The following NUP133 variants were observed in gnomAD, a reference collection of about 807,000 sequenced individuals.
NUP133 encodes the protein nucleoporin 133, also known as nuclear pore complex protein Nup133.
A neutral mutation model predicts 146.2 loss-of-function variants in NUP133; 66 were observed. The ratio of observed to expected loss-of-function variants is 0.45; its 90% CI spans 0.37 to 0.55. The LOEUF (loss-of-function observed/expected upper bound fraction) is 0.55. NUP133 is among the 20% of genes least tolerant of loss of function. The pLI is 0.00. For synonymous variants in NUP133, 521 were observed against 498.8 expected (o/e 1.04, Z -0.59); for missense variants, 1,277 against 1,374.8 (o/e 0.93, Z 1.12).
rs1660215718 is a variant in NUP133 at position 229,442,864 on chromosome 1, C to T, written c.3335-824G>A. On this transcript the variant is annotated intron_variant, in intron 25 of 25. Coordinates refer to ENST00000261396, the MANE Select transcript of NUP133 (RefSeq NM_018230.3). Reference sequence around the variant, plus strand: ...AGGATTACAGGTGCCCACCACTACACCCGGCTAATTTTTTGTATTTTTAGT... The same window carrying T: ...AGGATTACAGGTGCCCACCACTACATCCGGCTAATTTTTTGTATTTTTAGT... 2.6e-5 allele frequency among the ~76,000 whole-genome samples: 4 copies of T among 151,972 alleles called. No homozygotes were observed. The South Asian group carries it at 8.3e-4, about 32-fold the overall frequency.
At chr1:229,468,584 C>A (rs1660879768) in intron 15 of NUP133, among the ~76,000 whole-genome samples, 1 of 152,186 alleles carries the variant, frequency 6.6e-6, no homozygotes, top group Non-Finnish European at 1.5e-5. Context: ...ATGTATCCAA[C>A]TGATAATTTC....
At chr1:229,443,964 C>T (rs1660245343) in intron 25 of NUP133, among the ~76,000 whole-genome samples, 1 of 142,588 alleles carries the variant, frequency 7.0e-6, no homozygotes, top group Non-Finnish European at 1.5e-5. Flanking sequence ...TGGTCTTGAA[C>T]TACTGGGCTC....
chr1:229,499,899 G>A, intron 4 of NUP133, 81 bp from the exon 5 acceptor site: 1 of 1,462,694 alleles, frequency 6.8e-7, no homozygotes, highest in South Asian at 1.3e-5. Flanking sequence ...ATGATACAAA[G>A]AAACAGGACA....
At position 229,487,543 on chromosome 1, in the gene NUP133, T is replaced by C. The variant is rs760628456; in HGVS notation, c.1265A>G (p.Glu422Gly). 1 of 1,613,800 alleles carries C rather than the reference T, an allele frequency of 6.2e-7. No individual in the cohort carries two copies. The highest frequency in any genetic ancestry group is 1.1e-5 in the South Asian group (1 of 91,024). ...FSNQTAYLYN[E>G]SAVYVCSTGT... is the part of the protein sequence containing the mutation. The stretch of plus-strand genomic sequence containing the variant: ...TGTGGAGCACACATAGACAGCACTT[T>C]CGTTATACAGATAGGCAGTCTGGTT... The change falls in exon 10 of 26, where the codon GAA (glutamate) becomes GGA (glycine). Residue 422 changes from glutamate (E) to glycine (G), a missense_variant. By Grantham distance (98) the Glu-to-Gly change is moderately conservative. Coordinates refer to ENST00000261396, the MANE Select transcript of NUP133 (RefSeq NM_018230.3).
In NUP133 at chr1:229,475,640, G is replaced by C. The variant is rs1456749725; in HGVS notation, c.1849C>G (p.Gln617Glu). Residue 617 changes from glutamine to glutamate, a missense_variant and splice_region_variant, in exon 14 of 26, where the codon CAA becomes GAA. Coordinates refer to ENST00000261396, the MANE Select transcript of NUP133 (RefSeq NM_018230.3). ...AHSFLMDFIHQVGLFGRLGSF... is the reference protein window; with the variant it reads ...AHSFLMDFIHEVGLFGRLGSF... Reference sequence around the variant, plus strand: ...TGCCCAGCACCCTGCGCTCTTACTTGATGAATAAAGTCCATAAGAAAAGAG... The same window carrying C: ...TGCCCAGCACCCTGCGCTCTTACTTCATGAATAAAGTCCATAAGAAAAGAG... 6.2e-7 allele frequency: 1 copy of C among 1,612,264 alleles called. No homozygotes were observed. Among genetic ancestry groups the C allele is most frequent in the East Asian group, 2.2e-5 (1 of 44,868 alleles).
intron 16 of NUP133, among the ~76,000 whole-genome samples, chr1:229,465,892 C>CAAAAA (rs71561801): frequency 4.1e-4 from 31 of 75,246 alleles, no homozygotes; most frequent in South Asian, 1.0e-3. Flanking sequence ...CCATGTCTCA[C>CAAAAA]AAAAAAAAAA....
chr1:229,490,113 A>G lies in NUP133; in HGVS notation c.1047-11T>C. The stretch of plus-strand genomic sequence containing the variant: ...ATCACCAGCCCATCACTAATCAATA[A>G]AAAAGGAAGATGTAAAGCCTCTCTA... On this transcript the variant is annotated splice_polypyrimidine_tract_variant and intron_variant, in intron 8 of 25. Transcript: ENST00000261396. 6.5e-7 allele frequency: 1 copy of G among 1,530,732 alleles called. No homozygotes were observed. Among genetic ancestry groups the G allele is most frequent in the Non-Finnish European group, 8.8e-7 (1 of 1,134,690 alleles). The allele number at this position is 1,530,732 out of a possible 1,614,324, so 94.8% of individuals were successfully genotyped here. A position where few individuals can be genotyped will look rare whatever the true frequency, so the allele number is the denominator to read the frequency against.
At position 229,464,657 on chromosome 1, in the gene NUP133, G is replaced by A. The variant is rs1202861178; in HGVS notation, c.2518C>T (p.Leu840=). ...ERYDNLEMEY[L]QKRSDLLSPL... The stretch of plus-strand genomic sequence containing the variant: ...GATAAGAGATCTGATCTTTTCTGTA[G>A]GTATTCCATCTCCAGATTGTCATAT... Residue 840 remains leucine (L), a synonymous_variant, in exon 18 of 26, where the codon CTA becomes TTA. Transcript: ENST00000261396. 1.2e-6 allele frequency: 2 copies of A among 1,614,144 alleles called. No homozygotes were observed. Among genetic ancestry groups the A allele is most frequent in the East Asian group, 2.2e-5 (1 of 44,886 alleles).
chr1:229,450,454 T>C, intron 23 of NUP133, 71 bp downstream of exon 23: 2 of 726,422 alleles, frequency 2.8e-6, no homozygotes, highest in Non-Finnish European at 2.3e-6. Flanking sequence ...CATGATTGAC[T>C]AAAAGAGGGA....
intron 14 of NUP133, among the ~76,000 whole-genome samples, chr1:229,472,180 G>A (rs1000679509): frequency 3.9e-5 from 6 of 152,084 alleles, no homozygotes; most frequent in African/African-American, 7.2e-5. Flanking sequence ...TTAGCCGGGC[G>A]TGGTGGCAGG....
At chr1:229,483,985 A>C in intron 12 of NUP133, 69 bp downstream of exon 12, 1 of 1,096,132 alleles carries the variant, frequency 9.1e-7, no homozygotes, top group Non-Finnish European at 1.4e-6. Context: ...ACCAGTCAAT[A>C]AGTAGCACAT....
chr1:229,493,701 G>C (rs914092607), intron 8 of NUP133, among the ~76,000 whole-genome samples: 1 of 152,224 alleles, frequency 6.6e-6, no homozygotes, highest in East Asian at 1.9e-4. Flanking sequence ...AGGAGGATAA[G>C]GGCTGCACCT....
intron 21 of NUP133, among the ~76,000 whole-genome samples, chr1:229,452,956 T>C (rs931670755): frequency 5.0e-4 from 76 of 152,162 alleles, no homozygotes; most frequent in African/African-American, 1.7e-3. Flanking sequence ...TTTCATGAGG[T>C]ATAAGCTTCC....
intron 20 of NUP133, 127 bp downstream of exon 20, chr1:229,460,484 A>G (rs1660669103): frequency 2.3e-6 from 2 of 888,508 alleles, no homozygotes; most frequent in South Asian, 2.0e-5. Flanking sequence ...GCTCCCTTAT[A>G]TATTTTGGAT....
chr1:229,495,590 A>G (rs767417307), intron 7 of NUP133, 25 bp from the exon 8 acceptor site: 2 of 1,493,334 alleles, frequency 1.3e-6, no homozygotes, highest in East Asian at 4.5e-5. Context: ...CAATAATGTA[A>G]GCTTCTCAAG....
rs1204635083 is a variant in NUP133, at chr1:229,464,837, G to GT, written c.2337dup (p.Arg780ThrfsTer4). On this transcript the variant is annotated frameshift_variant, in exon 18 of 26. Coordinates refer to ENST00000261396, the MANE Select transcript of NUP133 (RefSeq NM_018230.3). LOFTEE classifies it high-confidence loss of function. Reference sequence around the variant, plus strand: ...ACCTTCAGGACAATCTCATGCTGGCGTATTATTACCGTTCGGATGCCACCA... The same window carrying GT: ...ACCTTCAGGACAATCTCATGCTGGCGTTATTATTACCGTTCGGATGCCACCA... 1 of 1,614,042 alleles carries GT rather than the reference G, an allele frequency of 6.2e-7. No individual in the cohort carries two copies. The highest frequency in any genetic ancestry group is 8.5e-7 in the Non-Finnish European group (1 of 1,180,046).
intron 2 of NUP133, among the ~76,000 whole-genome samples, chr1:229,503,709 C>A (rs1198125688): frequency 2.0e-5 from 3 of 152,192 alleles, no homozygotes; most frequent in African/African-American, 7.2e-5. Flanking sequence ...CAGTAATTTT[C>A]TTTTTCTTGA....
intron 2 of NUP133, among the ~76,000 whole-genome samples, chr1:229,502,864 C>A (rs1457673134): frequency 1.3e-5 from 2 of 151,328 alleles, no homozygotes; most frequent in African/African-American, 4.9e-5. Flanking sequence ...GACTGAGGCA[C>A]AGGAGAACCA....
chr1:229,449,705 A>G (rs1660398511), intron 23 of NUP133, among the ~76,000 whole-genome samples: 1 of 151,280 alleles, frequency 6.6e-6, no homozygotes, highest in African/African-American at 2.4e-5. Context: ...AGGTAATGTA[A>G]AAGTCAACAT....
Sources: gnomAD v4.1 joint callset for allele counts (sites outside exome capture counted in the v4.1 genomes callset) on GRCh38, gnomAD v4.1.1 for gene constraint, MANE v1.5 for transcripts, NCBI Gene and HGNC (gene_info 2026-07-23, HGNC 2026-07-21) for gene names.